Variants in RYR2 observed in about 807,000 individuals in gnomAD.
RYR2 encodes the protein cardiac muscle ryanodine receptor-calcium release channel.
Under a neutral mutation model 601.1 loss-of-function variants are expected in RYR2, and 227 were observed. That is an observed-to-expected ratio of 0.38 (90% CI 0.34 to 0.42). RYR2 has a LOEUF of 0.42. RYR2 is among the 10% of genes least tolerant of loss of function. RYR2 has a pLI of 1.00. For missense variants in RYR2, 4,646 were observed against 6,156.5 expected (o/e 0.75, Z 8.21); for synonymous variants, 2,223 against 2,175.1 (o/e 1.02, Z -0.61).
chr1:237,371,749 G>C (rs928095760), intron 6 of RYR2, among the ~76,000 whole-genome samples: 21 of 152,274 alleles, frequency 1.4e-4, no homozygotes, highest in Admixed American at 1.4e-3. Context: ...CCTTTGTAGG[G>C]ACATGGATGA....
At chr1:237,259,941 C>T (rs947375295) in intron 1 of RYR2, among the ~76,000 whole-genome samples, 5 of 152,144 alleles carry the variant, frequency 3.3e-5, no homozygotes, top group African/African-American at 1.2e-4. Flanking sequence ...AGCAGATGCA[C>T]ATCATATGGA....
At position 237,781,569 on chromosome 1, in the gene RYR2, C is replaced by CCAGT; in HGVS notation, c.11888_11891dup (p.Ile3965SerfsTer3). ...ATGCAATGTTCATATTTTCAGGATTCCAGTCAAATTGAGCTATTAAAAGAA... is the reference window on the plus strand; with the variant it reads ...ATGCAATGTTCATATTTTCAGGATTCCAGTCAGTCAAATTGAGCTATTAAAAGAA... On this transcript the variant is annotated frameshift_variant, in exon 89 of 105. Transcript: ENST00000366574. LOFTEE classifies it high-confidence loss of function. 6.6e-7 allele frequency: 1 copy of CCAGT among 1,523,636 alleles called. No individual in the cohort carries two copies. Among genetic ancestry groups the CCAGT allele is most frequent in the Non-Finnish European group, 9.0e-7 (1 of 1,106,840 alleles). The allele number at this position is 1,523,636 out of a possible 1,614,324, so 94.4% of individuals were successfully genotyped here. A position where few individuals can be genotyped will look rare whatever the true frequency, so the allele number is the denominator to read the frequency against.
At chr1:237,800,911 C>G (rs779743203) in intron 97 of RYR2, among the ~76,000 whole-genome samples, 1 of 151,942 alleles carries the variant, frequency 6.6e-6, no homozygotes, top group African/African-American at 2.4e-5. Flanking sequence ...CCAGCACCCA[C>G]AACTGTAAGA....
chr1:237,769,099 A>G (rs188818141), intron 84 of RYR2, among the ~76,000 whole-genome samples: 1 of 152,348 alleles, frequency 6.6e-6, no homozygotes, highest in African/African-American at 2.4e-5. Context: ...TCACGAATAT[A>G]TGAACACTTA....
intron 75 of RYR2, among the ~76,000 whole-genome samples, chr1:237,726,690 T>C (rs891643047): frequency 2.0e-5 from 3 of 152,096 alleles, no homozygotes; most frequent in Admixed American, 6.6e-5. Context: ...TGAGGTAATA[T>C]TTTATGTAGG....
At chr1:237,539,356 A>T (rs904791151) in intron 25 of RYR2, among the ~76,000 whole-genome samples, 1 of 152,132 alleles carries the variant, frequency 6.6e-6, no homozygotes, top group Non-Finnish European at 1.5e-5. Context: ...CCTACACGCA[A>T]CCCTTGGGCT....
At chr1:237,668,268 T>C (rs1032196799) in intron 58 of RYR2, among the ~76,000 whole-genome samples, 1 of 152,190 alleles carries the variant, frequency 6.6e-6, no homozygotes. Context: ...CTTCCCCAAC[T>C]TAAATATCTC....
chr1:237,329,239 G>A (rs1224292943), intron 2 of RYR2, among the ~76,000 whole-genome samples: 1 of 151,888 alleles, frequency 6.6e-6, no homozygotes, highest in Non-Finnish European at 1.5e-5. Flanking sequence ...TTTTCATACA[G>A]TGGTGTGACC....
At chr1:237,560,223 T>A (rs1435033250) in intron 27 of RYR2, among the ~76,000 whole-genome samples, 2 of 152,224 alleles carry the variant, frequency 1.3e-5, no homozygotes, top group East Asian at 3.8e-4. Flanking sequence ...GATATTTCAC[T>A]CCCCAGCTTT....
At chr1:237,528,683 G>A (rs1449414334) in intron 24 of RYR2, among the ~76,000 whole-genome samples, 2 of 152,004 alleles carry the variant, frequency 1.3e-5, no homozygotes, top group Non-Finnish European at 2.9e-5. Flanking sequence ...AGCCCTTAAG[G>A]ATGAATTAAC....
intron 1 of RYR2, among the ~76,000 whole-genome samples, chr1:237,235,495 A>G (rs1041437464): frequency 3.9e-5 from 6 of 152,202 alleles, no homozygotes; most frequent in Non-Finnish European, 8.8e-5. Flanking sequence ...TGGTTCCCAG[A>G]TATTAGCCTC....
At chr1:237,632,519 C>A (rs572792118) in intron 42 of RYR2, among the ~76,000 whole-genome samples, 2 of 151,816 alleles carry the variant, frequency 1.3e-5, no homozygotes, top group Non-Finnish European at 2.9e-5. Flanking sequence ...CTCAGCCTGC[C>A]GAGTGGCTGG....
intron 33 of RYR2, among the ~76,000 whole-genome samples, chr1:237,593,991 G>A (rs190339889): frequency 3.3e-5 from 5 of 152,298 alleles, no homozygotes; most frequent in Admixed American, 3.3e-4. Flanking sequence ...TAGATTTCGG[G>A]AACTGGCTAT....
chr1:237,694,680 C>G (rs1687260994), intron 63 of RYR2, among the ~76,000 whole-genome samples: 1 of 152,114 alleles, frequency 6.6e-6, no homozygotes, highest in African/African-American at 2.4e-5. Flanking sequence ...TTCAGTTGAA[C>G]ATAGCATTAT....
At chr1:237,806,311 G>A in intron 99 of RYR2, 28 bp downstream of exon 99, 1 of 1,580,126 alleles carries the variant, frequency 6.3e-7, no homozygotes, top group Non-Finnish European at 8.6e-7. Context: ...TTCCTCCCTT[G>A]CAGAAAATAA....
intron 26 of RYR2, among the ~76,000 whole-genome samples, chr1:237,549,377 C>G (rs1670144694): frequency 6.6e-6 from 1 of 152,008 alleles, no homozygotes. Context: ...GAGTTTGAGA[C>G]CAGCCTGGGC....
intron 1 of RYR2, among the ~76,000 whole-genome samples, chr1:237,165,426 T>G (rs1334566377): frequency 6.6e-6 from 1 of 152,256 alleles, no homozygotes; most frequent in African/African-American, 2.4e-5. Context: ...TTGAAAGCAC[T>G]GTAAAGACAG....
At chr1:237,154,442 A>G (rs1675084372) in intron 1 of RYR2, among the ~76,000 whole-genome samples, 2 of 152,170 alleles carry the variant, frequency 1.3e-5, no homozygotes, top group African/African-American at 4.8e-5. Flanking sequence ...TGGCTGAGGA[A>G]AGTCGGTTGC....
intron 29 of RYR2, among the ~76,000 whole-genome samples, chr1:237,571,770 A>G (rs971572969): frequency 1.3e-5 from 2 of 152,252 alleles, no homozygotes; most frequent in Non-Finnish European, 2.9e-5. Context: ...TAGGAATTTT[A>G]CATTTGTGTA....
Sources: gnomAD v4.1 joint callset for allele counts (sites outside exome capture counted in the v4.1 genomes callset) on GRCh38, gnomAD v4.1.1 for gene constraint, MANE v1.5 for transcripts, NCBI Gene and HGNC (gene_info 2026-07-23, HGNC 2026-07-21) for gene names.